The following PRKAR2A variants were observed in gnomAD, a reference collection of about 807,000 sequenced individuals.
PRKAR2A encodes cAMP-dependent protein kinase type II-alpha regulatory subunit.
PRKAR2A carries 29 observed loss-of-function variants against 51.9 expected under a neutral mutation model. That is an observed-to-expected ratio of 0.56 (90% confidence interval 0.42 to 0.76). The LOEUF (loss-of-function observed/expected upper bound fraction) is 0.76. PRKAR2A is among the 30% of genes least tolerant of loss of function. The pLI is 0.00. For missense variants in PRKAR2A, 445 were observed against 512.1 expected (o/e 0.87, Z 1.26); for synonymous variants, 178 against 186.2 (o/e 0.96, Z 0.36).
chr3:48,808,150 C>T (rs948846544), intron 1 of PRKAR2A, among the ~76,000 whole-genome samples: 10 of 151,894 alleles, frequency 6.6e-5, no homozygotes, highest in Non-Finnish European at 1.5e-4. Context: ...CACGTTCACG[C>T]CATTCTCCTG....
chr3:48,795,914 G>A (rs7647812), intron 2 of PRKAR2A, among the ~76,000 whole-genome samples: 99,111 of 151,656 alleles, frequency 0.65, 33,123 homozygotes, highest in East Asian at 0.96. Flanking sequence ...TGGTGAGAAG[G>A]GGGATACAAA....
Position 48,773,175 on chromosome 3 carries a change from A to G in PRKAR2A, c.543-67T>C, listed in dbSNP as rs1313138919. 2.3e-6 allele frequency: 3 copies of G among 1,285,698 alleles called. No individual in the cohort carries two copies. In the East Asian group the frequency reaches 7.1e-5, roughly 30 times the overall value. 79.6% of individuals were successfully genotyped at this position (1,285,698 alleles called of 1,614,324 possible). A position where few individuals can be genotyped will look rare whatever the true frequency, so the allele number is the denominator to read the frequency against. ...TAATAAATGTTAAGAACTGGCAGGT[A>G]CATATAATAGAAAATGTTGTTTTAA... On this transcript the variant is annotated intron_variant, in intron 5 of 10. Coordinates refer to ENST00000265563, the MANE Select transcript of PRKAR2A (RefSeq NM_004157.4).
rs1183227147 is a variant in PRKAR2A, at chr3:48,751,016, T to C, written c.*569A>G. ...GAGACAGCTGTAATGTGTGCAGCTGTCAGCAGAAAGTACAATGCCACTGGG... is the reference window on the plus strand; with the variant it reads ...GAGACAGCTGTAATGTGTGCAGCTGCCAGCAGAAAGTACAATGCCACTGGG... On this transcript the variant is annotated 3_prime_UTR_variant, in exon 11 of 11. Transcript: ENST00000265563. 1 of 311,328 alleles carries C rather than the reference T, an allele frequency of 3.2e-6. No homozygotes were observed. Among genetic ancestry groups the C allele is most frequent in the East Asian group, 8.3e-5 (1 of 12,110 alleles). 19.3% of individuals were successfully genotyped at this position (311,328 alleles called of 1,614,324 possible).
chr3:48,806,324 A>C (rs2082675246), intron 2 of PRKAR2A, among the ~76,000 whole-genome samples: 2 of 152,292 alleles, frequency 1.3e-5, no homozygotes, highest in Admixed American at 1.3e-4. Flanking sequence ...AGAACATACC[A>C]TTTGCCTAGC....
chr3:48,798,651 T>C (rs1367145888), intron 2 of PRKAR2A, among the ~76,000 whole-genome samples: 1 of 150,132 alleles, frequency 6.7e-6, no homozygotes, highest in African/African-American at 2.5e-5. Flanking sequence ...GTGCATGAAA[T>C]CTTCCTTTTT....
chr3:48,801,481 G>A (rs560792633), intron 2 of PRKAR2A, among the ~76,000 whole-genome samples: 90 of 152,148 alleles, frequency 5.9e-4, no homozygotes, highest in Middle Eastern at 6.8e-3. Flanking sequence ...TAGAGACAGG[G>A]TTTCACAATG....
chr3:48,826,170 G>A (rs1211612484), intron 1 of PRKAR2A, among the ~76,000 whole-genome samples: 4 of 152,154 alleles, frequency 2.6e-5, no homozygotes, highest in Non-Finnish European at 5.9e-5. Flanking sequence ...GGAGGCTGAG[G>A]TAGGAGGATT....
chr3:48,802,360 G>T (rs2082604093), intron 2 of PRKAR2A, among the ~76,000 whole-genome samples: 1 of 152,022 alleles, frequency 6.6e-6, no homozygotes, highest in South Asian at 2.1e-4. Context: ...TTTAAATGAA[G>T]GTCTGAAGAA....
rs2081598806 is a variant in PRKAR2A, at chr3:48,748,624, T to C, written c.*2961A>G. ...AGAATTCATGGCCAGCCCTAACTAG[T>C]GTGATGGGTGGCAGGGAGGAGGCAT... On this transcript the variant is annotated 3_prime_UTR_variant, in exon 11 of 11. Transcript: ENST00000265563. 6.6e-6 allele frequency: 1 copy of C among 151,956 alleles called. No homozygotes were observed. Among genetic ancestry groups the C allele is most frequent in the Non-Finnish European group, 1.5e-5 (1 of 68,040 alleles). 9.4% of individuals were successfully genotyped at this position (151,956 alleles called of 1,614,324 possible). A position where few individuals can be genotyped will look rare whatever the true frequency, so the allele number is the denominator to read the frequency against.
At chr3:48,755,999 T>C (rs1041343882) in intron 9 of PRKAR2A, among the ~76,000 whole-genome samples, 6 of 151,840 alleles carry the variant, frequency 4.0e-5, no homozygotes, top group Admixed American at 1.3e-4. Context: ...CCAGGATGGT[T>C]TCAATCTCCT....
chr3:48,843,463 T>C (rs1201587135), intron 1 of PRKAR2A, among the ~76,000 whole-genome samples: 1 of 152,136 alleles, frequency 6.6e-6, no homozygotes, highest in Non-Finnish European at 1.5e-5. Context: ...AATGACTTTC[T>C]TCACAAAATT....
intron 2 of PRKAR2A, among the ~76,000 whole-genome samples, chr3:48,804,533 T>C (rs1457050948): frequency 6.6e-6 from 1 of 152,098 alleles, no homozygotes; most frequent in Non-Finnish European, 1.5e-5. Context: ...TTATAATCAC[T>C]GACTCAGGAA....
intron 3 of PRKAR2A, among the ~76,000 whole-genome samples, chr3:48,793,444 T>C (rs1309480557): frequency 7.9e-5 from 12 of 152,182 alleles, no homozygotes; most frequent in Non-Finnish European, 1.6e-4. Flanking sequence ...TTGTTGTCGT[T>C]GTTATTTTAA....
chr3:48,765,178 C>G, intron 7 of PRKAR2A, 70 bp downstream of exon 7: 8 of 1,548,046 alleles, frequency 5.2e-6, no homozygotes, highest in Non-Finnish European at 7.1e-6. Flanking sequence ...GATTTGAAAA[C>G]CTAACAACAG....
At chr3:48,798,829 T>C (rs1376836744) in intron 2 of PRKAR2A, among the ~76,000 whole-genome samples, 1 of 151,926 alleles carries the variant, frequency 6.6e-6, no homozygotes, top group Non-Finnish European at 1.5e-5. Context: ...CCCAGCTAAT[T>C]TTTGTATTTT....
intron 2 of PRKAR2A, 133 bp downstream of exon 2, chr3:48,807,516 A>T: frequency 2.9e-6 from 2 of 697,792 alleles, no homozygotes. Context: ...GAATAAAGAA[A>T]CCATAGGTAA....
At position 48,847,304 on chromosome 3, in the gene PRKAR2A, ACC is replaced by A; in HGVS notation, c.262+29_262+30del. The stretch of plus-strand genomic sequence containing the variant: ...CTCTAGACCTCTGGAGACCTCCTGC[ACC>A]ACTCCCCAGGGCCCCGCCCACAGCC... On this transcript the variant is annotated intron_variant, in intron 1 of 10. Coordinates refer to ENST00000265563, the MANE Select transcript of PRKAR2A (RefSeq NM_004157.4). The surrounding 1 kb of genome is among the most constrained non-coding windows in gnomAD (Gnocchi z 4.4). 1 of 1,610,846 alleles carries A rather than the reference ACC, an allele frequency of 6.2e-7. No individual in the cohort carries two copies. The highest frequency in any genetic ancestry group is 8.5e-7 in the Non-Finnish European group (1 of 1,178,530).
intron 10 of PRKAR2A, 48 bp downstream of exon 10, chr3:48,752,127 AT>A (rs2081657735): frequency 6.3e-7 from 1 of 1,587,690 alleles, no homozygotes; most frequent in African/African-American, 1.4e-5. Flanking sequence ...TGGGAAAAAA[AT>A]ATTACATGTT....
intron 2 of PRKAR2A, among the ~76,000 whole-genome samples, chr3:48,801,090 A>T (rs2082582430): frequency 6.6e-6 from 1 of 152,024 alleles, no homozygotes; most frequent in Middle Eastern, 3.4e-3. Flanking sequence ...AGTGATTCTC[A>T]TGTCTCAGCC....
Sources: gnomAD v4.1 joint callset for allele counts (sites outside exome capture counted in the v4.1 genomes callset) on GRCh38, gnomAD v4.1.1 for gene constraint, Gnocchi (gnomAD v3.1) non-coding constraint, MANE v1.5 for transcripts, NCBI Gene and HGNC (gene_info 2026-07-23, HGNC 2026-07-21) for gene names.